NOVA1: variants seen among roughly 807,000 people sequenced by gnomAD.
NOVA1 encodes the protein NOVA alternative splicing regulator 1, also known as RNA-binding protein Nova-1.
A neutral mutation model predicts 38.0 loss-of-function variants in NOVA1; 7 were observed. That is an observed-to-expected ratio of 0.18 (90% CI 0.10 to 0.35). The LOEUF (loss-of-function observed/expected upper bound fraction) is 0.35. Among genes scored for constraint, NOVA1 ranks in the 10% least tolerant of loss-of-function variants. The pLI is 1.00. For synonymous variants in NOVA1, 270 were observed against 232.5 expected, an observed-to-expected ratio of 1.16 and a Z score of -1.47; for missense variants, 460 against 616.0, an observed-to-expected ratio of 0.75 and a Z score of 2.68.
intron 4 of NOVA1, among the ~76,000 whole-genome samples, chr14:26,464,268 A>T (rs1388943208): frequency 6.6e-6 from 1 of 152,202 alleles, no homozygotes; most frequent in Non-Finnish European, 1.5e-5. Context: ...CTGCCTAGTG[A>T]TGTAGCAGCC....
intron 2 of NOVA1, among the ~76,000 whole-genome samples, chr14:26,591,464 A>G (rs1033022222): frequency 6.6e-6 from 1 of 151,664 alleles, no homozygotes. Context: ...ATTTATCACT[A>G]ATTTTGCCTT....
chr14:26,597,547 AG>A lies in NOVA1; in HGVS notation c.-112del, dbSNP rs1453778240. The A allele has an allele frequency of 2.9e-5, 30 of 1,042,866 alleles. No homozygotes were observed. The highest frequency in any genetic ancestry group is 4.3e-5 in the East Asian group (1 of 23,048). The allele number at this position is 1,042,866 out of a possible 1,614,324, so 64.6% of individuals were successfully genotyped here. ...TTTTTTTTGCGTTTGGGGTTTCTTAAGGTTTTTTTTTTTTAATCGGATCAAT... is the reference window on the plus strand; with the variant it reads ...TTTTTTTTGCGTTTGGGGTTTCTTAAGTTTTTTTTTTTTAATCGGATCAAT... On this transcript the variant is annotated 5_prime_UTR_variant, in exon 1 of 5. Transcript: ENST00000539517.
At chr14:26,593,575 A>T (rs983259517) in intron 2 of NOVA1, 3 of 151,918 alleles carry the variant, frequency 2.0e-5, no homozygotes, top group East Asian at 3.8e-4. Flanking sequence ...TGATCAGGTT[A>T]CGTCACCACA....
At chr14:26,538,629 C>T (rs992853734) in intron 2 of NOVA1, among the ~76,000 whole-genome samples, 1 of 152,110 alleles carries the variant, frequency 6.6e-6, no homozygotes, top group Non-Finnish European at 1.5e-5. Flanking sequence ...CACCAAGACA[C>T]CATAATTTCT....
intron 2 of NOVA1, among the ~76,000 whole-genome samples, chr14:26,526,022 T>C (rs1034898452): frequency 6.6e-6 from 1 of 152,054 alleles, no homozygotes; most frequent in African/African-American, 2.4e-5. Flanking sequence ...ATTGGAAATA[T>C]TATATAATTT....
At chr14:26,541,236 C>A (rs1890447996) in intron 2 of NOVA1, among the ~76,000 whole-genome samples, 1 of 151,972 alleles carries the variant, frequency 6.6e-6, no homozygotes, top group Admixed American at 6.6e-5. Context: ...CGCATAAAAA[C>A]CAAGTATCAA....
At chr14:26,486,695 T>TCAAAAA (rs1885923539) in intron 2 of NOVA1, among the ~76,000 whole-genome samples, 1 of 4,054 alleles carries the variant, frequency 2.5e-4, no homozygotes, top group Non-Finnish European at 1.0e-3. Flanking sequence ...GGTGACAGAC[T>TCAAAAA]CAAAAAAAAA....
Position 26,443,827 on chromosome 14 carries a change from C to T in NOVA1, c.*4132G>A, listed in dbSNP as rs1398756569. 2 of 151,878 alleles carry T rather than the reference C, an allele frequency of 1.3e-5. No individual in the cohort carries two copies. Among genetic ancestry groups the T allele is most frequent in the Admixed American group, 1.3e-4 (2 of 15,200 alleles). 9.4% of individuals were successfully genotyped at this position (151,878 alleles called of 1,614,324 possible). A position where few individuals can be genotyped will look rare whatever the true frequency, so the allele number is the denominator to read the frequency against. On this transcript the variant is annotated 3_prime_UTR_variant, in exon 5 of 5. Coordinates refer to ENST00000539517, the MANE Select transcript of NOVA1 (RefSeq NM_002515.3). The stretch of plus-strand genomic sequence containing the variant: ...ACATTAAATTTATGACTGTATTGCA[C>T]TCAAAATTATTGTGTATAGCCATGC...
chr14:26,515,736 A>G (rs1888415071), intron 2 of NOVA1, among the ~76,000 whole-genome samples: 1 of 152,046 alleles, frequency 6.6e-6, no homozygotes. Flanking sequence ...AACTACAATT[A>G]TTGTATTACT....
At chr14:26,592,681 A>T (rs1426257801) in intron 2 of NOVA1, 2 of 151,676 alleles carry the variant, frequency 1.3e-5, no homozygotes, top group Non-Finnish European at 3.0e-5. Context: ...TTCAACCATA[A>T]TTTTAAAAAT....
intron 2 of NOVA1, among the ~76,000 whole-genome samples, chr14:26,573,914 C>T (rs766222203): frequency 8.6e-5 from 13 of 152,028 alleles, no homozygotes; most frequent in Non-Finnish European, 1.8e-4. Flanking sequence ...GCTCAGCAAC[C>T]CCACAGCAAA....
chr14:26,497,328 T>G (rs1479705027), intron 2 of NOVA1, among the ~76,000 whole-genome samples: 1 of 152,148 alleles, frequency 6.6e-6, no homozygotes, highest in East Asian at 1.9e-4. Context: ...CATTCCATGC[T>G]CATGGGTAGG....
intron 2 of NOVA1, among the ~76,000 whole-genome samples, chr14:26,559,754 T>C (rs898021467): frequency 1.3e-5 from 2 of 152,174 alleles, no homozygotes; most frequent in Admixed American, 1.3e-4. Context: ...AGTGGAGGGA[T>C]AAAAAGAGGT....
intron 2 of NOVA1, among the ~76,000 whole-genome samples, chr14:26,510,455 G>A (rs2138449387): frequency 6.6e-6 from 1 of 152,234 alleles, no homozygotes; most frequent in East Asian, 1.9e-4. Context: ...AAAAGGGGAA[G>A]ATTAAAATGA....
chr14:26,546,439 T>C (rs1283714873), intron 2 of NOVA1, among the ~76,000 whole-genome samples: 1 of 152,206 alleles, frequency 6.6e-6, no homozygotes, highest in Non-Finnish European at 1.5e-5. Flanking sequence ...TAAAAATATG[T>C]ACCTAATTTA....
chr14:26,449,836 A>G (rs1016122001), intron 4 of NOVA1, among the ~76,000 whole-genome samples: 6 of 152,112 alleles, frequency 3.9e-5, no homozygotes, highest in Admixed American at 3.3e-4. Context: ...TGAATATTCA[A>G]TCCAATATGA....
intron 2 of NOVA1, among the ~76,000 whole-genome samples, chr14:26,521,631 TTATC>T (rs1888905941): frequency 6.6e-6 from 1 of 152,062 alleles, no homozygotes; most frequent in Admixed American, 6.6e-5. Flanking sequence ...AATTTACTCT[TTATC>T]TTTTTATTGT....
intron 2 of NOVA1, among the ~76,000 whole-genome samples, chr14:26,494,736 TTC>T (rs974880784): frequency 1.7e-4 from 26 of 151,844 alleles, no homozygotes; most frequent in African/African-American, 6.1e-4. Flanking sequence ...CTCTCTCTCT[TTC>T]TCTCTCTACC....
intron 4 of NOVA1, 47 bp from the exon 5 acceptor site, chr14:26,449,010 T>C (rs772804434): frequency 2.0e-6 from 3 of 1,481,854 alleles, no homozygotes; most frequent in Admixed American, 2.1e-5. Flanking sequence ...GTTTTGTGCA[T>C]ATACATTATA....
Sources: gnomAD v4.1 joint callset for allele counts (sites outside exome capture counted in the v4.1 genomes callset) on GRCh38, gnomAD v4.1.1 for gene constraint, MANE v1.5 for transcripts, NCBI Gene and HGNC (gene_info 2026-07-23, HGNC 2026-07-21) for gene names.